SLC7A11: variants seen among roughly 807,000 people sequenced by gnomAD.
SLC7A11 encodes the protein solute carrier family 7 member 11.
Under a neutral mutation model 54.5 loss-of-function variants are expected in SLC7A11, and 35 were observed. That is an observed-to-expected ratio of 0.64 (90% CI 0.49 to 0.85). The LOEUF (loss-of-function observed/expected upper bound fraction) is 0.85, where lower values mean the gene tolerates loss of function less well. Ranked by LOEUF, SLC7A11 falls within the 40% of genes least tolerant of loss-of-function variation. The pLI is 0.00. For missense variants in SLC7A11, 583 were observed against 618.1 expected (o/e 0.94, Z 0.60); for synonymous variants, 230 against 225.2 (o/e 1.02, Z -0.19).
At chr4:138,240,636 G>T (rs1330265332) in intron 1 of SLC7A11, among the ~76,000 whole-genome samples, 3 of 151,462 alleles carry the variant, frequency 2.0e-5, no homozygotes, top group Non-Finnish European at 4.4e-5. Flanking sequence ...ACATCACAAG[G>T]CCTGAGTAGA....
intron 6 of SLC7A11, among the ~76,000 whole-genome samples, chr4:138,208,332 G>A (rs1422282059): frequency 1.3e-5 from 2 of 152,032 alleles, no homozygotes; most frequent in African/African-American, 4.8e-5. Flanking sequence ...GAAGTGAGAA[G>A]AACACTGGAA....
chr4:138,213,005 A>G (rs1464133141), intron 6 of SLC7A11, among the ~76,000 whole-genome samples: 1 of 152,000 alleles, frequency 6.6e-6, no homozygotes, highest in Non-Finnish European at 1.5e-5. Context: ...ATTTTATATT[A>G]TATCCAGTAC....
chr4:138,190,709 C>G (rs1246098364), intron 6 of SLC7A11, among the ~76,000 whole-genome samples: 1 of 152,110 alleles, frequency 6.6e-6, no homozygotes, highest in Non-Finnish European at 1.5e-5. Flanking sequence ...GAGTTTTCTT[C>G]CATACATTTT....
At chr4:138,223,009 T>G (rs1218685335) in intron 4 of SLC7A11, among the ~76,000 whole-genome samples, 190 bp downstream of exon 4, 1 of 152,128 alleles carries the variant, frequency 6.6e-6, no homozygotes, top group Non-Finnish European at 1.5e-5. Flanking sequence ...ATCCTCTTTC[T>G]GCCATTCAAC....
chr4:138,188,198 G>A (rs767393884), intron 6 of SLC7A11, among the ~76,000 whole-genome samples: 8 of 152,092 alleles, frequency 5.3e-5, no homozygotes, highest in East Asian at 1.9e-4. Context: ...CAGTAGCTGG[G>A]ATTATAGGCA....
At chr4:138,188,468 G>T (rs1400516120) in intron 6 of SLC7A11, among the ~76,000 whole-genome samples, 2 of 152,146 alleles carry the variant, frequency 1.3e-5, no homozygotes. Flanking sequence ...GGAAGGGGGT[G>T]GGGAGGTTCT....
Position 138,227,432 on chromosome 4 carries a change from T to C in SLC7A11, c.521-4108A>G, listed in dbSNP as rs181943310. Among the ~76,000 whole-genome samples, 448 of 152,304 alleles carry C rather than the reference T, an allele frequency of 2.9e-3. 4 individuals carry two copies. Among genetic ancestry groups the C allele is most frequent in the African/African-American group, 0.01 (433 of 41,560 alleles). Reference sequence around the variant, plus strand: ...ACAGTTTGTATCTAGGATCTCACTATTGGGAATAAAAATGTTAAGTGATAT... The same window carrying C: ...ACAGTTTGTATCTAGGATCTCACTACTGGGAATAAAAATGTTAAGTGATAT... On this transcript the variant is annotated intron_variant, in intron 3 of 11. Coordinates refer to ENST00000280612, the MANE Select transcript of SLC7A11 (RefSeq NM_014331.4).
At position 138,167,139 on chromosome 4, in the gene SLC7A11, A is replaced by ATT. The variant is rs1560711673; in HGVS notation, c.*4816_*4817insAA. 7.0e-6 allele frequency: 1 copy of ATT among 142,232 alleles called. No homozygotes were observed. The highest frequency in any genetic ancestry group is 1.5e-5 in the Non-Finnish European group (1 of 65,482). The allele number at this position is 142,232 out of a possible 1,614,324, so 8.8% of individuals were successfully genotyped here. A position where few individuals can be genotyped will look rare whatever the true frequency, so the allele number is the denominator to read the frequency against. On this transcript the variant is annotated 3_prime_UTR_variant, in exon 12 of 12. Coordinates refer to ENST00000280612, the MANE Select transcript of SLC7A11 (RefSeq NM_014331.4). ...GCATACCTTTAGCTATTATTTAAAAATCTTTTTTTTTTTTTTTTTTTTTTT... is the reference window on the plus strand; with the variant it reads ...GCATACCTTTAGCTATTATTTAAAAATTTCTTTTTTTTTTTTTTTTTTTTTTT...
intron 10 of SLC7A11, 82 bp downstream of exon 10, chr4:138,180,559 C>T (rs1380080192): frequency 1.4e-6 from 2 of 1,409,758 alleles, no homozygotes; most frequent in East Asian, 2.4e-5. Flanking sequence ...AGCCCAACCT[C>T]CCCATCAGCA....
chr4:138,226,766 C>A (rs34564510), intron 3 of SLC7A11, among the ~76,000 whole-genome samples: 3 of 152,118 alleles, frequency 2.0e-5, no homozygotes, highest in African/African-American at 4.8e-5. Flanking sequence ...ACCCACATTG[C>A]AATAATGAAA....
At chr4:138,200,266 G>A (rs958400189) in intron 6 of SLC7A11, among the ~76,000 whole-genome samples, 2 of 152,046 alleles carry the variant, frequency 1.3e-5, no homozygotes, top group African/African-American at 4.8e-5. Context: ...ACAATAAAAA[G>A]CAGCTATTTC....
chr4:138,191,418 GTAGGGAGA>G (rs1490908691), intron 6 of SLC7A11, among the ~76,000 whole-genome samples: 14 of 152,158 alleles, frequency 9.2e-5, no homozygotes, highest in Admixed American at 3.9e-4. Flanking sequence ...AGAGAGACCT[GTAGGGAGA>G]TGTAAGAAAT....
intron 6 of SLC7A11, among the ~76,000 whole-genome samples, chr4:138,198,191 G>C (rs1737186964): frequency 6.6e-6 from 1 of 151,572 alleles, no homozygotes; most frequent in Non-Finnish European, 1.5e-5. Context: ...ATGATCTAGG[G>C]ATGTAAAAAT....
Position 138,183,289 on chromosome 4 carries a change from A to G in SLC7A11, c.932T>C (p.Leu311Pro), listed in dbSNP as rs1490309336. 2.5e-6 allele frequency: 4 copies of G among 1,610,716 alleles called. No homozygotes were observed. Among genetic ancestry groups the G allele is most frequent in the Middle Eastern group, 1.7e-4 (1 of 6,050 alleles). ...AACTGCTAATGAGAAATTTCCCAGT[A>G]GCCGCTCAGAAAAGGTCTAGTGAAA... ...NAVAVTFSER[L>P]LGNFSLAVPI... The change falls in exon 8 of 12, where the codon CTA becomes CCA. Residue 311 changes from leucine to proline, a missense_variant. Physicochemically the swap from Leu to Pro is moderately conservative, Grantham distance 98 (BLOSUM62 -3). Coordinates refer to ENST00000280612, the MANE Select transcript of SLC7A11 (RefSeq NM_014331.4).
chr4:138,212,802 T>G (rs1018038069), intron 6 of SLC7A11, among the ~76,000 whole-genome samples: 3 of 151,964 alleles, frequency 2.0e-5, no homozygotes, highest in African/African-American at 7.2e-5. Flanking sequence ...ATGAATTATA[T>G]CTACACCACT....
intron 9 of SLC7A11, among the ~76,000 whole-genome samples, chr4:138,181,328 T>G (rs1331553891): frequency 5.3e-5 from 8 of 151,954 alleles, no homozygotes; most frequent in Non-Finnish European, 1.2e-4. Flanking sequence ...CCACATTTAC[T>G]CTCCTGGTGT....
At chr4:138,240,100 G>A (rs1298404918) in intron 1 of SLC7A11, among the ~76,000 whole-genome samples, 1 of 151,932 alleles carries the variant, frequency 6.6e-6, no homozygotes, top group Non-Finnish European at 1.5e-5. Flanking sequence ...TATAAAGATG[G>A]GAAGTAATAC....
chr4:138,186,043 T>C (rs903937356), intron 6 of SLC7A11, among the ~76,000 whole-genome samples: 1 of 152,124 alleles, frequency 6.6e-6, no homozygotes, highest in East Asian at 1.9e-4. Context: ...GCTGACATTA[T>C]GTGGCATCAA....
At position 138,232,390 on chromosome 4, in the gene SLC7A11, A is replaced by G; in HGVS notation, c.405-8T>C. The G allele has an allele frequency of 6.6e-7, 1 of 1,517,396 alleles. No homozygotes were observed. Among genetic ancestry groups the G allele is most frequent in the East Asian group, 2.2e-5 (1 of 44,458 alleles). The allele number at this position is 1,517,396 out of a possible 1,614,324, so 94.0% of individuals were successfully genotyped here. ...ACAGCAGTAGCTGCAGGGCTAAAAA[A>G]AAATGTATATATTTAGGTTAACCAC... is the stretch of plus-strand genomic sequence containing the variant. On this transcript the variant is annotated splice_region_variant and splice_polypyrimidine_tract_variant and intron_variant, in intron 2 of 11. Coordinates refer to ENST00000280612, the MANE Select transcript of SLC7A11 (RefSeq NM_014331.4).
Sources: gnomAD v4.1 joint callset for allele counts (sites outside exome capture counted in the v4.1 genomes callset) on GRCh38, gnomAD v4.1.1 for gene constraint, MANE v1.5 for transcripts, NCBI Gene and HGNC (gene_info 2026-07-23, HGNC 2026-07-21) for gene names.